FCHSD2: variants seen among roughly 807,000 people sequenced by gnomAD.
FCHSD2 encodes the protein FCH and double SH3 domains 2.
In FCHSD2, 38 loss-of-function variants were observed where a neutral mutation model predicts 108.1. The ratio of observed to expected loss-of-function variants is 0.35; its 90% CI spans 0.27 to 0.46. The LOEUF is 0.46. Ranked by LOEUF, FCHSD2 falls within the 20% of genes least tolerant of loss-of-function variation. The probability of loss-of-function intolerance (pLI) is 1.00; values close to 1 mark genes in which losing one functional copy is unlikely to be tolerated. For synonymous variants in FCHSD2, 279 were observed against 314.7 expected (o/e 0.89, Z 1.20); for missense variants, 751 against 897.8 (o/e 0.84, Z 2.09).
At chr11:73,017,900 G>A (rs1267568999) in intron 3 of FCHSD2, among the ~76,000 whole-genome samples, 4 of 151,884 alleles carry the variant, frequency 2.6e-5, no homozygotes, top group Non-Finnish European at 5.9e-5. Context: ...AAGTATAATA[G>A]CTATTCTTTC....
chr11:73,062,066 C>T (rs1267245647), intron 3 of FCHSD2, among the ~76,000 whole-genome samples: 4 of 152,184 alleles, frequency 2.6e-5, no homozygotes, highest in Non-Finnish European at 5.9e-5. Context: ...AGAGCTCTGA[C>T]TGGCATCTGG....
intron 3 of FCHSD2, among the ~76,000 whole-genome samples, chr11:73,059,422 A>AT (rs1565390287): frequency 2.0e-5 from 3 of 152,200 alleles, no homozygotes; most frequent in Admixed American, 6.5e-5. Flanking sequence ...ATTGTGTCAG[A>AT]TAAGTGTTAG....
At chr11:72,889,156 G>A (rs986796290) in intron 11 of FCHSD2, among the ~76,000 whole-genome samples, 9 of 150,476 alleles carry the variant, frequency 6.0e-5, no homozygotes, top group Admixed American at 3.3e-4. Flanking sequence ...GGGTTTCACC[G>A]TAACACATGT....
At chr11:73,069,798 T>C (rs1859389585) in intron 3 of FCHSD2, among the ~76,000 whole-genome samples, 1 of 152,050 alleles carries the variant, frequency 6.6e-6, no homozygotes, top group Non-Finnish European at 1.5e-5. Flanking sequence ...GGTTAACAAA[T>C]AACAAATGAC....
At chr11:73,123,379 A>G (rs574291902) in intron 2 of FCHSD2, among the ~76,000 whole-genome samples, 143 of 152,360 alleles carry the variant, frequency 9.4e-4, no homozygotes, top group Admixed American at 2.4e-3. Flanking sequence ...TGCATATTAA[A>G]CGGTGGTAAC....
At chr11:73,119,316 A>G (rs1052853774) in intron 2 of FCHSD2, among the ~76,000 whole-genome samples, 6 of 151,946 alleles carry the variant, frequency 3.9e-5, no homozygotes, top group African/African-American at 1.5e-4. Context: ...AAAAAAAAAA[A>G]GAATGCATAT....
In FCHSD2 at chr11:72,989,226, C is replaced by T. The variant is rs1264471346; in HGVS notation, c.388-129G>A. On this transcript the variant is annotated intron_variant, in intron 5 of 19. Coordinates refer to ENST00000409418, the MANE Select transcript of FCHSD2 (RefSeq NM_014824.3). The stretch of plus-strand genomic sequence containing the variant: ...GGGGAAAAGTCAGTACGTTCAGTGT[C>T]CTTCAAATTGCAGATTAAAATCCTG... 8.3e-6 allele frequency: 5 copies of T among 600,790 alleles called. No homozygotes were observed. In the African/African-American group the frequency reaches 9.3e-5, roughly 11 times the overall value. 37.2% of individuals were successfully genotyped at this position (600,790 alleles called of 1,614,324 possible).
At chr11:73,087,614 A>G (rs1182792057) in intron 2 of FCHSD2, among the ~76,000 whole-genome samples, 1 of 151,838 alleles carries the variant, frequency 6.6e-6, no homozygotes, top group Non-Finnish European at 1.5e-5. Context: ...CTGAGGCAGG[A>G]GAATTGCTTG....
Position 73,031,418 on chromosome 11 carries a change from T to C in FCHSD2, c.166-15533A>G, listed in dbSNP as rs139451596. Among the ~76,000 whole-genome samples the C allele has an allele frequency of 6.3e-4, 95 of 151,790 alleles. 1 individual carries two copies. In the East Asian group the frequency reaches 0.015, roughly 24 times the overall value. Reference sequence around the variant, plus strand: ...TTGAGGGCGGGAGGTGGAGGCTGCATTGAGTTGTGACTACTGCACTCCAGC... The same window carrying C: ...TTGAGGGCGGGAGGTGGAGGCTGCACTGAGTTGTGACTACTGCACTCCAGC... On this transcript the variant is annotated intron_variant, in intron 3 of 19. Coordinates refer to ENST00000409418, the MANE Select transcript of FCHSD2 (RefSeq NM_014824.3).
At chr11:73,004,165 A>C (rs1170826444) in intron 4 of FCHSD2, among the ~76,000 whole-genome samples, 1 of 148,024 alleles carries the variant, frequency 6.8e-6, no homozygotes, top group East Asian at 2.0e-4. Context: ...GTACTTTGCC[A>C]TTCTACATAT....
chr11:72,953,758 G>C (rs1295312291), intron 8 of FCHSD2, among the ~76,000 whole-genome samples: 1 of 152,216 alleles, frequency 6.6e-6, no homozygotes, highest in Non-Finnish European at 1.5e-5. Flanking sequence ...GTCAGGGAAG[G>C]CCTCACTGTT....
At chr11:73,067,151 G>A (rs1859314493) in intron 3 of FCHSD2, among the ~76,000 whole-genome samples, 2 of 152,160 alleles carry the variant, frequency 1.3e-5, no homozygotes, top group African/African-American at 2.4e-5. Flanking sequence ...ATACCATGCA[G>A]CCATAAAAAA....
chr11:72,863,876 G>A (rs1004611252), intron 13 of FCHSD2, among the ~76,000 whole-genome samples: 2 of 152,174 alleles, frequency 1.3e-5, no homozygotes, highest in African/African-American at 4.8e-5. Flanking sequence ...CTAGTACCCC[G>A]TTGATGTAAT....
chr11:72,974,559 A>G (rs1056731652), intron 8 of FCHSD2, among the ~76,000 whole-genome samples: 27 of 152,368 alleles, frequency 1.8e-4, no homozygotes, highest in African/African-American at 6.3e-4. Context: ...AAAATGTTCT[A>G]TATCTGCACT....
intron 14 of FCHSD2, among the ~76,000 whole-genome samples, chr11:72,845,620 C>G (rs1052292625): frequency 2.6e-5 from 4 of 152,120 alleles, no homozygotes; most frequent in African/African-American, 4.8e-5. Context: ...GCATGGCTAT[C>G]AAGACCCTGC....
At chr11:73,138,370 T>TG (rs1565108944) in intron 2 of FCHSD2, among the ~76,000 whole-genome samples, 2 of 152,010 alleles carry the variant, frequency 1.3e-5, no homozygotes, top group Non-Finnish European at 1.5e-5. Context: ...AGGGGAAAAA[T>TG]GGAGACAAAA....
intron 1 of FCHSD2, among the ~76,000 whole-genome samples, chr11:73,140,851 C>T (rs1324416452): frequency 6.6e-6 from 1 of 152,196 alleles, no homozygotes; most frequent in East Asian, 1.9e-4. Context: ...TCGAAGTTAA[C>T]GGTCAGTCTG....
intron 8 of FCHSD2, among the ~76,000 whole-genome samples, chr11:72,931,270 G>A (rs1227446122): frequency 3.2e-5 from 1 of 30,794 alleles, no homozygotes; most frequent in Non-Finnish European, 1.1e-4. Context: ...AATTTTTGTG[G>A]GTTTTTTTTT....
chr11:72,847,838 G>A (rs535287057), intron 14 of FCHSD2, among the ~76,000 whole-genome samples: 9 of 151,904 alleles, frequency 5.9e-5, no homozygotes, highest in Non-Finnish European at 8.8e-5. Context: ...GATTACAGGC[G>A]CCCGCCACCA....
Sources: gnomAD v4.1 joint callset for allele counts (sites outside exome capture counted in the v4.1 genomes callset) on GRCh38, gnomAD v4.1.1 for gene constraint, MANE v1.5 for transcripts, NCBI Gene and HGNC (gene_info 2026-07-23, HGNC 2026-07-21) for gene names.